The following TEX2 variants were observed in gnomAD, a reference collection of about 807,000 sequenced individuals.
TEX2 encodes testis expressed 2.
Under a neutral mutation model 106.9 loss-of-function variants are expected in TEX2, and 53 were observed. That is an observed-to-expected ratio of 0.50 (90% confidence interval 0.40 to 0.62). TEX2 has a LOEUF of 0.62. Among genes scored for constraint, TEX2 ranks in the 20% least tolerant of loss-of-function variants. The pLI, the probability that TEX2 is intolerant of heterozygous loss-of-function variation, is 0.00. For synonymous variants in TEX2, 523 were observed against 534.8 expected, an observed-to-expected ratio of 0.98 and a Z score of 0.30; for missense variants, 1,207 against 1,379.0, an observed-to-expected ratio of 0.88 and a Z score of 1.98.
intron 1 of TEX2, among the ~76,000 whole-genome samples, chr17:64,260,493 A>G (rs776527330): frequency 6.6e-6 from 1 of 152,120 alleles, no homozygotes; most frequent in Non-Finnish European, 1.5e-5. Context: ...TTTTGAATCA[A>G]TGTCCTAGAC....
At chr17:64,249,443 A>C (rs933375319) in intron 1 of TEX2, among the ~76,000 whole-genome samples, 2 of 152,196 alleles carry the variant, frequency 1.3e-5, no homozygotes. Context: ...ATGCTTGCAG[A>C]CCATAAGAAA....
chr17:64,159,369 G>A (rs2030780225), intron 8 of TEX2, among the ~76,000 whole-genome samples: 1 of 152,144 alleles, frequency 6.6e-6, no homozygotes, highest in Non-Finnish European at 1.5e-5. Context: ...AGCTGGTTCT[G>A]CAACTCTGTC....
At position 64,226,993 on chromosome 17, in the gene TEX2, C is replaced by A. The variant is rs181587685; in HGVS notation, c.-25-12751G>T. On this transcript the variant is annotated intron_variant, in intron 1 of 11. Transcript: ENST00000584379. Reference sequence around the variant, plus strand: ...CTGTAATCCCAGCTCTTTGGGAGGTCGAGGCAGGCAGATCACAAGGTCAAG... The same window carrying A: ...CTGTAATCCCAGCTCTTTGGGAGGTAGAGGCAGGCAGATCACAAGGTCAAG... Among the ~76,000 whole-genome samples the A allele has an allele frequency of 7.9e-3, 1,200 of 152,066 alleles. 16 individuals carry two copies. Among genetic ancestry groups the A allele is most frequent in the African/African-American group, 0.026 (1,099 of 41,488 alleles).
chr17:64,262,079 C>T (rs1377875380), intron 1 of TEX2, among the ~76,000 whole-genome samples: 2 of 152,254 alleles, frequency 1.3e-5, no homozygotes, highest in Non-Finnish European at 2.9e-5. Context: ...TCTGAATCCT[C>T]TGAGAATCCT....
chr17:64,236,179 T>TA (rs1328722553), intron 1 of TEX2, among the ~76,000 whole-genome samples: 16 of 150,498 alleles, frequency 1.1e-4, no homozygotes, highest in African/African-American at 2.7e-4. Context: ...AAAATACAAC[T>TA]AAAAAAAAAT....
intron 1 of TEX2, among the ~76,000 whole-genome samples, chr17:64,252,459 C>A (rs1189358664): frequency 6.6e-6 from 1 of 152,052 alleles, no homozygotes; most frequent in Non-Finnish European, 1.5e-5. Context: ...CAGGTGCACA[C>A]CACCATGCCT....
intron 1 of TEX2, among the ~76,000 whole-genome samples, chr17:64,259,146 T>C (rs184023393): frequency 2.0e-5 from 3 of 152,270 alleles, no homozygotes; most frequent in East Asian, 1.9e-4. Context: ...CACGCAGCCA[T>C]TGGGAAATAT....
chr17:64,254,814 C>A (rs187417588), intron 1 of TEX2, among the ~76,000 whole-genome samples: 21 of 152,252 alleles, frequency 1.4e-4, no homozygotes, highest in Middle Eastern at 3.4e-3. Context: ...GTGACTTCAT[C>A]ATGGGCTCAT....
intron 2 of TEX2, among the ~76,000 whole-genome samples, chr17:64,197,404 T>A (rs1186572147): frequency 6.6e-6 from 1 of 152,178 alleles, no homozygotes; most frequent in Non-Finnish European, 1.5e-5. Context: ...TTTCTGGGCA[T>A]AATGTTGTTT....
chr17:64,255,397 A>G (rs1274547882), intron 1 of TEX2, among the ~76,000 whole-genome samples: 1 of 152,158 alleles, frequency 6.6e-6, no homozygotes, highest in Non-Finnish European at 1.5e-5. Flanking sequence ...AATATCTACC[A>G]AATGATTTTA....
intron 1 of TEX2, among the ~76,000 whole-genome samples, chr17:64,239,904 A>AAAAAAAAAAAAAAAAAAAG (rs781859721): frequency 3.4e-5 from 4 of 118,848 alleles, no homozygotes; most frequent in South Asian, 2.8e-4. Context: ...AAAAAAAAAA[A>AAAAAAAAAAAAAAAAAAAG]GCAGAGAAGA....
At chr17:64,155,333 G>A in intron 8 of TEX2, 1 of 176,054 alleles carries the variant, frequency 5.7e-6, no homozygotes, top group Non-Finnish European at 1.2e-5. Flanking sequence ...AGGATGAACA[G>A]AAAGAGCGGA....
chr17:64,176,524 G>T (rs1199888372), intron 6 of TEX2, among the ~76,000 whole-genome samples: 1 of 152,080 alleles, frequency 6.6e-6, no homozygotes, highest in African/African-American at 2.4e-5. Context: ...TGAAAATTTG[G>T]GATCCAAAGT....
At chr17:64,151,931 T>C (rs2030377678) in intron 10 of TEX2, among the ~76,000 whole-genome samples, 2 of 152,232 alleles carry the variant, frequency 1.3e-5, no homozygotes, top group Non-Finnish European at 2.9e-5. Flanking sequence ...TTTTCACCTT[T>C]TCCCAATCTT....
Position 64,156,524 on chromosome 17 carries a change from CAG to C in TEX2, c.2805-1559_2805-1558del, listed in dbSNP as rs369851328. Among the ~76,000 whole-genome samples the C allele has an allele frequency of 3.8e-3, 574 of 152,356 alleles. 8 individuals are homozygous for C. Among genetic ancestry groups the C allele is most frequent in the African/African-American group, 0.013 (533 of 41,584 alleles). On this transcript the variant is annotated intron_variant, in intron 8 of 11. Transcript: ENST00000584379. Reference sequence around the variant, plus strand: ...GTATCCACTGGCTGCAGAGCCATATCAGAGTGTGCTGTGGTTAGGCAGCCCTC... The same window carrying C: ...GTATCCACTGGCTGCAGAGCCATATCAGTGTGCTGTGGTTAGGCAGCCCTC...
At chr17:64,202,959 A>C (rs1215012571) in intron 2 of TEX2, among the ~76,000 whole-genome samples, 4 of 152,218 alleles carry the variant, frequency 2.6e-5, no homozygotes, top group Admixed American at 2.6e-4. Flanking sequence ...GGTTTCTCTC[A>C]ATTCTCTGCT....
intron 5 of TEX2, among the ~76,000 whole-genome samples, chr17:64,181,008 C>A (rs951929465): frequency 4.6e-5 from 7 of 152,170 alleles, no homozygotes; most frequent in African/African-American, 1.7e-4. Flanking sequence ...GAGGACCCTA[C>A]TCCTGTGTGT....
intron 4 of TEX2, among the ~76,000 whole-genome samples, chr17:64,191,592 G>A (rs545317323): frequency 6.6e-6 from 1 of 152,248 alleles, no homozygotes; most frequent in East Asian, 1.9e-4. Flanking sequence ...CAAGGTGGGC[G>A]GTTCACTTGA....
rs961875906 is a variant in TEX2, at chr17:64,153,287, G to A, written c.2931-133C>T. The A allele has an allele frequency of 2.7e-5, 18 of 669,942 alleles. No homozygotes were observed. The highest frequency in any genetic ancestry group is 1.7e-4 in the South Asian group (9 of 52,884). The allele number at this position is 669,942 out of a possible 1,614,324, so 41.5% of individuals were successfully genotyped here. On this transcript the variant is annotated intron_variant, in intron 9 of 11. Coordinates refer to ENST00000584379, the MANE Select transcript of TEX2 (RefSeq NM_001288732.2). This position sits in a 1 kb window ranked among gnomAD's most constrained non-coding sequence, Gnocchi z 4.1. Reference sequence around the variant, plus strand: ...GGATGTGGTGATTCTGTGTTGGGGCGGGGGGCATCCTGTGCATTGCAGGGT... The same window carrying A: ...GGATGTGGTGATTCTGTGTTGGGGCAGGGGGCATCCTGTGCATTGCAGGGT...
Sources: gnomAD v4.1 joint callset for allele counts (sites outside exome capture counted in the v4.1 genomes callset) on GRCh38, gnomAD v4.1.1 for gene constraint, Gnocchi (gnomAD v3.1) non-coding constraint, MANE v1.5 for transcripts, NCBI Gene and HGNC (gene_info 2026-07-23, HGNC 2026-07-21) for gene names.